NR3C2: variants seen among roughly 807,000 people sequenced by gnomAD.
NR3C2 encodes nuclear receptor subfamily 3 group C member 2, also known as mineralocorticoid receptor.
A neutral mutation model predicts 86.4 loss-of-function variants in NR3C2; 15 were observed. The ratio of observed to expected loss-of-function variants is 0.17; its 90% CI spans 0.12 to 0.27. NR3C2 has a LOEUF of 0.27. Ranked by LOEUF, NR3C2 falls within the 10% of genes least tolerant of loss-of-function variation. The pLI is 1.00. For synonymous variants in NR3C2, 458 were observed against 450.5 expected (o/e 1.02, Z -0.21); for missense variants, 960 against 1,195.6 (o/e 0.80, Z 2.91).
At chr4:148,181,373 T>C (rs920318308) in intron 4 of NR3C2, among the ~76,000 whole-genome samples, 3 of 152,210 alleles carry the variant, frequency 2.0e-5, no homozygotes, top group African/African-American at 7.2e-5. Flanking sequence ...AATGATACTA[T>C]CTTGGACTCC....
intron 3 of NR3C2, among the ~76,000 whole-genome samples, chr4:148,239,927 T>C (rs1015527087): frequency 6.6e-6 from 1 of 151,990 alleles, no homozygotes; most frequent in African/African-American, 2.4e-5. Context: ...CCCTCCTCTT[T>C]CACGATGATG....
intron 2 of NR3C2, among the ~76,000 whole-genome samples, chr4:148,354,407 G>C (rs145687793): frequency 6.6e-6 from 1 of 152,022 alleles, no homozygotes; most frequent in African/African-American, 2.4e-5. Context: ...AGTTATATAC[G>C]TATTTTCTAT....
intron 6 of NR3C2, among the ~76,000 whole-genome samples, chr4:148,128,982 G>T (rs1039033900): frequency 2.6e-5 from 4 of 152,168 alleles, no homozygotes; most frequent in Admixed American, 6.5e-5. Context: ...CATGGACCTT[G>T]AACTTTAGGC....
chr4:148,084,168 C>A (rs1486368925), intron 8 of NR3C2, among the ~76,000 whole-genome samples: 1 of 152,152 alleles, frequency 6.6e-6, no homozygotes, highest in Non-Finnish European at 1.5e-5. Flanking sequence ...ATACAGAGAA[C>A]ACCACAAAGA....
Position 148,426,623 on chromosome 4 carries a change from G to A in NR3C2, c.1757+8481C>T, listed in dbSNP as rs183091401. Among the ~76,000 whole-genome samples the A allele has an allele frequency of 1.6e-3, 246 of 152,286 alleles. 3 individuals carry two copies. The highest frequency in any genetic ancestry group is 9.1e-4 in the Non-Finnish European group (62 of 68,006). On this transcript the variant is annotated intron_variant, in intron 2 of 8. Coordinates refer to ENST00000358102, the MANE Select transcript of NR3C2 (RefSeq NM_000901.5). ...ATAATTCTGTCTCCTTCATTAGGAT[G>A]CGTTGTTCATCTTCTCAGTGGGGCA...
intron 2 of NR3C2, among the ~76,000 whole-genome samples, chr4:148,427,278 G>C (rs1408684606): frequency 1.3e-5 from 2 of 151,862 alleles, no homozygotes; most frequent in Non-Finnish European, 2.9e-5. Flanking sequence ...CATTATCCAT[G>C]GGAGTTAAGC....
At position 148,079,707 on chromosome 4, in the gene NR3C2, A is replaced by ACTGT. The variant is rs1400751622; in HGVS notation, c.*1633_*1636dup. On this transcript the variant is annotated 3_prime_UTR_variant, in exon 9 of 9. Transcript: ENST00000358102. ...TTAATGAATTAAACATTTTAGTGCCACTGTCTTGCTTATATGATCTGTAAT... is the reference window on the plus strand; with the variant it reads ...TTAATGAATTAAACATTTTAGTGCCACTGTCTGTCTTGCTTATATGATCTGTAAT... The ACTGT allele has an allele frequency of 6.6e-6, 1 of 152,642 alleles. No individual in the cohort carries two copies. Among genetic ancestry groups the ACTGT allele is most frequent in the Non-Finnish European group, 1.5e-5 (1 of 68,040 alleles). 9.5% of individuals were successfully genotyped at this position (152,642 alleles called of 1,614,324 possible). A position where few individuals can be genotyped will look rare whatever the true frequency, so the allele number is the denominator to read the frequency against.
intron 3 of NR3C2, among the ~76,000 whole-genome samples, chr4:148,224,297 ATATC>A (rs1203108465): frequency 4.6e-5 from 7 of 152,350 alleles, no homozygotes; most frequent in South Asian, 2.1e-4. Flanking sequence ...TTATAAAAGA[ATATC>A]TATATACATA....
At chr4:148,274,363 A>G (rs1249958441) in intron 2 of NR3C2, among the ~76,000 whole-genome samples, 1 of 152,186 alleles carries the variant, frequency 6.6e-6, no homozygotes, top group African/African-American at 2.4e-5. Context: ...TTTGAGAGTG[A>G]TATGGTTTGG....
At chr4:148,218,734 T>C (rs1456010900) in intron 3 of NR3C2, among the ~76,000 whole-genome samples, 1 of 152,200 alleles carries the variant, frequency 6.6e-6, no homozygotes, top group Non-Finnish European at 1.5e-5. Context: ...GGTTGGTCTT[T>C]CTGGACACTT....
At chr4:148,261,502 C>G (rs1469069248) in intron 2 of NR3C2, among the ~76,000 whole-genome samples, 1 of 152,132 alleles carries the variant, frequency 6.6e-6, no homozygotes, top group Non-Finnish European at 1.5e-5. Flanking sequence ...GGGCAGCACA[C>G]TATGAATAAA....
intron 2 of NR3C2, among the ~76,000 whole-genome samples, chr4:148,390,427 G>A (rs998848054): frequency 9.2e-5 from 14 of 152,126 alleles, no homozygotes; most frequent in Non-Finnish European, 1.6e-4. Flanking sequence ...AGAAGTGTGA[G>A]ACGGTAGCAA....
intron 3 of NR3C2, among the ~76,000 whole-genome samples, chr4:148,256,949 G>C (rs943302891): frequency 6.6e-6 from 1 of 152,080 alleles, no homozygotes; most frequent in African/African-American, 2.4e-5. Flanking sequence ...AGTCTGCATA[G>C]TCACTGCTAT....
At chr4:148,268,188 C>T (rs1287457285) in intron 2 of NR3C2, among the ~76,000 whole-genome samples, 3 of 152,160 alleles carry the variant, frequency 2.0e-5, no homozygotes, top group African/African-American at 7.2e-5. Flanking sequence ...ATCCACCTGC[C>T]TTGGCCTCCC....
chr4:148,434,727 T>C (rs1406950766), intron 2 of NR3C2, among the ~76,000 whole-genome samples: 1 of 152,110 alleles, frequency 6.6e-6, no homozygotes, highest in Non-Finnish European at 1.5e-5. Flanking sequence ...TAAACTAACT[T>C]AAAGCAATTT....
chr4:148,417,635 C>A (rs1424957354), intron 2 of NR3C2, among the ~76,000 whole-genome samples: 1 of 152,194 alleles, frequency 6.6e-6, no homozygotes, highest in Non-Finnish European at 1.5e-5. Context: ...TGGTTACAGG[C>A]ACATCAAAAA....
At chr4:148,143,638 AAAAAC>A (rs1164418131) in intron 6 of NR3C2, among the ~76,000 whole-genome samples, 1 of 152,204 alleles carries the variant, frequency 6.6e-6, no homozygotes, top group African/African-American at 2.4e-5. Flanking sequence ...AGGGTTTTAT[AAAAAC>A]AAAACAAAAC....
chr4:148,418,432 A>C (rs1749114834), intron 2 of NR3C2, among the ~76,000 whole-genome samples: 1 of 152,210 alleles, frequency 6.6e-6, no homozygotes. Flanking sequence ...AAAATCACTA[A>C]GATATCTTCA....
intron 8 of NR3C2, among the ~76,000 whole-genome samples, chr4:148,083,415 C>G (rs1373185494): frequency 1.3e-5 from 2 of 152,154 alleles, no homozygotes; most frequent in African/African-American, 2.4e-5. Context: ...TGGAGTGGAC[C>G]TCCAGCAAAC....
Sources: allele counts gnomAD v4.1 joint callset (sites outside exome capture counted in the v4.1 genomes callset), GRCh38; gene constraint gnomAD v4.1.1; transcripts MANE v1.5; gene names NCBI Gene and HGNC (gene_info 2026-07-23, HGNC 2026-07-21).